The following ADGRE1 variants were observed in gnomAD, a reference collection of about 807,000 sequenced individuals.
ADGRE1 encodes the protein adhesion G protein-coupled receptor E1.
ADGRE1 carries 82 observed loss-of-function variants against 102.7 expected under a neutral mutation model. The ratio of observed to expected loss-of-function variants is 0.80; its 90% CI spans 0.67 to 0.96. ADGRE1 has a LOEUF of 0.96. ADGRE1 is among the 40% of genes least tolerant of loss of function. The pLI, the probability that ADGRE1 is intolerant of heterozygous loss-of-function variation, is 0.00. For missense variants in ADGRE1, 1,032 were observed against 1,085.3 expected, an observed-to-expected ratio of 0.95 and a Z score of 0.69; for synonymous variants, 398 against 399.6, an observed-to-expected ratio of 1.00 and a Z score of 0.05.
Position 6,916,322 on chromosome 19 carries a change from TA to T in ADGRE1, c.1376del (p.Lys459ArgfsTer2). ...VTLDLVAKGD[K>X]MKIGCSTIEE... ...CGTTGGACTTGGTAGCCAAGGGGGATAAGATGAAGATCGGGTGTTCCACAAT... is the reference window on the plus strand; with the variant it reads ...CGTTGGACTTGGTAGCCAAGGGGGATAGATGAAGATCGGGTGTTCCACAAT... On this transcript the variant is annotated frameshift_variant, in exon 12 of 21. Transcript: ENST00000312053. LOFTEE classifies it high-confidence loss of function. The T allele has an allele frequency of 6.2e-7, 1 of 1,613,812 alleles. No individual in the cohort carries two copies. The highest frequency in any genetic ancestry group is 8.5e-7 in the Non-Finnish European group (1 of 1,179,806).
Position 6,890,454 on chromosome 19 carries a change from T to C in ADGRE1, c.32-27T>C, listed in dbSNP as rs199854084. On this transcript the variant is annotated intron_variant, in intron 1 of 20. Coordinates refer to ENST00000312053, the MANE Select transcript of ADGRE1 (RefSeq NM_001974.5). ...TTTTTTTTTTTTTTTTGGTGGTTCA[T>C]GGTGTTTTTCTTTTCTTTCTTCACA... 1.2e-3 allele frequency: 1,311 copies of C among 1,136,838 alleles called. 27 individuals carry two copies. In the South Asian group the frequency reaches 0.02, roughly 18 times the overall value. 70.4% of individuals were successfully genotyped at this position (1,136,838 alleles called of 1,614,324 possible). A position where few individuals can be genotyped will look rare whatever the true frequency, so the allele number is the denominator to read the frequency against.
chr19:6,898,086 C>G lies in ADGRE1; in HGVS notation c.514+539C>G, dbSNP rs148873562. Reference sequence around the variant, plus strand: ...TCCAAGGATAAGCATCCCAAGAGAACAAGGTGGAAGTACATGATATTTTTA... The same window carrying G: ...TCCAAGGATAAGCATCCCAAGAGAAGAAGGTGGAAGTACATGATATTTTTA... On this transcript the variant is annotated intron_variant, in intron 5 of 20. Coordinates refer to ENST00000312053, the MANE Select transcript of ADGRE1 (RefSeq NM_001974.5). Among the ~76,000 whole-genome samples the G allele has an allele frequency of 3.0e-3, 461 of 152,138 alleles. 2 individuals carry two copies. Among genetic ancestry groups the G allele is most frequent in the African/African-American group, 9.9e-3 (412 of 41,488 alleles).
chr19:6,929,162 A>G (rs541629703), intron 17 of ADGRE1, among the ~76,000 whole-genome samples: 11 of 152,276 alleles, frequency 7.2e-5, no homozygotes, highest in African/African-American at 2.6e-4. Context: ...CCTCATGCTA[A>G]GGAAATCAAG....
chr19:6,927,325 T>TCCC, intron 16 of ADGRE1, among the ~76,000 whole-genome samples: 2 of 77,582 alleles, frequency 2.6e-5, no homozygotes, highest in Non-Finnish European at 5.1e-5. Context: ...CCCTCCCTTC[T>TCCC]TTCCTTCTTT....
rs762436193 is a variant in ADGRE1, at chr19:6,903,813, T to C, written c.665T>C (p.Ile222Thr). The C allele has an allele frequency of 6.2e-7, 1 of 1,614,064 alleles. No homozygotes were observed. The highest frequency in any genetic ancestry group is 8.5e-7 in the Non-Finnish European group (1 of 1,179,948). The change falls in exon 7 of 21, where the codon ATT becomes ACT. Residue 222 changes from isoleucine (I) to threonine (T), a missense_variant. Transcript: ENST00000312053. Reference protein sequence around the residue: ...FQGLKASCEDIDECTEMCPIN... With the variant: ...FQGLKASCEDTDECTEMCPIN... ...ACACCCATTCTGTACCCCACAGATA[T>C]TGATGAATGCACTGAAATGTGCCCC...
rs536488711 is a variant in ADGRE1, at chr19:6,920,231, C to CTTTTCTTTTT, written c.1620+488_1620+489insCTTTTTTTTT. ...GGATCCTGCTATGTGGTGGTTGCTT[C>CTTTTCTTTTT]TTTTTTTTTTTTTAGTCTCACTCTG... On this transcript the variant is annotated intron_variant, in intron 13 of 20. Coordinates refer to ENST00000312053, the MANE Select transcript of ADGRE1 (RefSeq NM_001974.5). 3.3e-4 allele frequency among the ~76,000 whole-genome samples: 26 copies of CTTTTCTTTTT among 79,774 alleles called. 1 individual carries two copies. Among genetic ancestry groups the CTTTTCTTTTT allele is most frequent in the African/African-American group, 7.2e-4 (9 of 12,562 alleles). 52.3% of individuals were successfully genotyped at this position (79,774 alleles called of 152,430 possible).
chr19:6,906,039 A>G (rs412362), intron 8 of ADGRE1, among the ~76,000 whole-genome samples: 56,221 of 152,044 alleles, frequency 0.37, 12,217 homozygotes, highest in African/African-American at 0.6. Flanking sequence ...ATCATACTAC[A>G]TATGACTATA....
chr19:6,940,216 C>T lies in ADGRE1; in HGVS notation c.*187C>T, dbSNP rs1042747. 11,818 of 647,286 alleles carry T rather than the reference C, an allele frequency of 0.018. 1,030 individuals are homozygous for T. The African/African-American group carries it at 0.19, about 10-fold the overall frequency. The allele number at this position is 647,286 out of a possible 1,614,324, so 40.1% of individuals were successfully genotyped here. On this transcript the variant is annotated 3_prime_UTR_variant, in exon 21 of 21. Transcript: ENST00000312053. ...TTGTATGCACTGATGAGAAATCAGG[C>T]GTTTCTGCTCCAAACGACCATTTTA...
intron 5 of ADGRE1, chr19:6,898,342 G>A: frequency 6.3e-7 from 1 of 1,598,272 alleles, no homozygotes; most frequent in African/African-American, 1.3e-5. Flanking sequence ...CCAGCCCTGT[G>A]GTCCTAATTC....
intron 17 of ADGRE1, among the ~76,000 whole-genome samples, chr19:6,932,113 G>C (rs2145021729): frequency 6.6e-6 from 1 of 152,288 alleles, no homozygotes; most frequent in South Asian, 2.1e-4. Flanking sequence ...AGGGTCTGAA[G>C]AAGGTGTAGA....
rs1165486277 is a variant in ADGRE1 at position 6,897,528 on chromosome 19, T to C, written c.495T>C (p.Ser165=). ...YSCSCQVGFI[S]RNSTCEDVDE... is the part of the protein sequence containing the mutation. ...GCAGCTGTCAAGTTGGATTCATCTC[T>C]AGAAACTCCACCTGTGAAGGTATCC... The change falls in exon 5 of 21, where the codon TCT becomes TCC. Residue 165 remains serine (S), a synonymous_variant. Coordinates refer to ENST00000312053, the MANE Select transcript of ADGRE1 (RefSeq NM_001974.5). The C allele has an allele frequency of 3.2e-6, 5 of 1,577,142 alleles. No individual in the cohort carries two copies. Among genetic ancestry groups the C allele is most frequent in the Non-Finnish European group, 4.3e-6 (5 of 1,166,790 alleles).
chr19:6,932,273 C>T lies in ADGRE1; in HGVS notation c.2290-2714C>T, dbSNP rs147301456. 7.6e-3 allele frequency among the ~76,000 whole-genome samples: 1,153 copies of T among 151,936 alleles called. 20 individuals are homozygous for T. The highest frequency in any genetic ancestry group is 0.026 in the African/African-American group (1,092 of 41,450). ...CACGAGGTCAGGAGATCGAGACCAT[C>T]CTGGCTAACATGGTGAAACCCCGTC... On this transcript the variant is annotated intron_variant, in intron 17 of 20. Transcript: ENST00000312053.
intron 10 of ADGRE1, among the ~76,000 whole-genome samples, chr19:6,910,691 C>T (rs1974145714): frequency 6.6e-6 from 1 of 150,928 alleles, no homozygotes; most frequent in African/African-American, 2.4e-5. Flanking sequence ...CCTGCCTCAG[C>T]CTCCCAAGTA....
At chr19:6,901,088 A>G (rs1316436720) in intron 5 of ADGRE1, among the ~76,000 whole-genome samples, 4 of 152,188 alleles carry the variant, frequency 2.6e-5, no homozygotes, top group Non-Finnish European at 2.9e-5. Flanking sequence ...CCAGGTGAAA[A>G]GGGAGAAGAA....
intron 2 of ADGRE1, among the ~76,000 whole-genome samples, chr19:6,891,812 G>T (rs1973386660): frequency 6.6e-6 from 1 of 152,142 alleles, no homozygotes; most frequent in Non-Finnish European, 1.5e-5. Context: ...TCAAGGAAGT[G>T]ATGTTCCAGT....
intron 18 of ADGRE1, 22 bp from the exon 19 acceptor site, chr19:6,937,221 A>G (rs1291644989): frequency 1.9e-6 from 3 of 1,607,130 alleles, no homozygotes; most frequent in Non-Finnish European, 2.6e-6. Flanking sequence ...AGAGCCTTAC[A>G]TGCTGTACAT....
Position 6,935,093 on chromosome 19 carries a change from C to T in ADGRE1, c.2381+15C>T, listed in dbSNP as rs371067992. 139 of 1,489,882 alleles carry T rather than the reference C, an allele frequency of 9.3e-5. No individual in the cohort carries two copies. The highest frequency in any genetic ancestry group is 1.1e-4 in the Non-Finnish European group (123 of 1,117,020). 92.3% of individuals were successfully genotyped at this position (1,489,882 alleles called of 1,614,324 possible). On this transcript the variant is annotated intron_variant, in intron 18 of 20. Coordinates refer to ENST00000312053, the MANE Select transcript of ADGRE1 (RefSeq NM_001974.5). ...AAAGACACCAGGTAAAGCCCTCTTT[C>T]ACCTCCCCCCCTCTTTTAATTTCCT...
Position 6,921,722 on chromosome 19 carries a change from A to C in ADGRE1, c.1630A>C (p.Lys544Gln), listed in dbSNP as rs755366779. The change falls in exon 14 of 21, where the codon AAG (lysine) becomes CAG (glutamine). Residue 544 changes from lysine (K) to glutamine (Q), a missense_variant. By Grantham distance (53) the Lys-to-Gln change is moderately conservative. Coordinates refer to ENST00000312053, the MANE Select transcript of ADGRE1 (RefSeq NM_001974.5). Reference sequence around the variant, plus strand: ...TTTTTGTTTTTTTTAGCCAAAGCAGAAGTTTGAGAGGCCCATCTGTGTTTC... The same window carrying C: ...TTTTTGTTTTTTTTAGCCAAAGCAGCAGTTTGAGAGGCCCATCTGTGTTTC... ...YTLENIQPKQ[K>Q]FERPICVSWS... The C allele has an allele frequency of 6.3e-7, 1 of 1,595,396 alleles. No homozygotes were observed. The highest frequency in any genetic ancestry group is 8.5e-7 in the Non-Finnish European group (1 of 1,173,750).
Position 6,892,258 on chromosome 19 carries a change from G to T in ADGRE1, c.94+1715G>T, listed in dbSNP as rs1244333050. Among the ~76,000 whole-genome samples, 5 of 152,160 alleles carry T rather than the reference G, an allele frequency of 3.3e-5. No individual in the cohort carries two copies. The East Asian group carries it at 9.6e-4, about 29-fold the overall frequency. ...GCACATTATAGGAGCAAAGAACGTAGATCTCAAAACCAAATGTGTAACAAA... is the reference window on the plus strand; with the variant it reads ...GCACATTATAGGAGCAAAGAACGTATATCTCAAAACCAAATGTGTAACAAA... On this transcript the variant is annotated intron_variant, in intron 2 of 20. Coordinates refer to ENST00000312053, the MANE Select transcript of ADGRE1 (RefSeq NM_001974.5).
Sources: gnomAD v4.1 joint callset for allele counts (sites outside exome capture counted in the v4.1 genomes callset) on GRCh38, gnomAD v4.1.1 for gene constraint, MANE v1.5 for transcripts, NCBI Gene and HGNC (gene_info 2026-07-23, HGNC 2026-07-21) for gene names.